SARM1: variants seen among roughly 807,000 people sequenced by gnomAD.
The protein encoded by SARM1 is NAD(+) hydrolase SARM1.
Under a neutral mutation model 65.1 loss-of-function variants are expected in SARM1, and 60 were observed. The observed-to-expected ratio is 0.92, with a 90% CI of 0.75 to 1.14. The LOEUF is 1.14. Ranked by LOEUF, SARM1 falls within the 50% of genes most tolerant of loss-of-function variation. The pLI, the probability that SARM1 is intolerant of heterozygous loss-of-function variation, is 0.00. For missense variants in SARM1, 913 were observed against 1,015.7 expected, an observed-to-expected ratio of 0.90 and a Z score of 1.37; for synonymous variants, 417 against 465.4, an observed-to-expected ratio of 0.90 and a Z score of 1.34.
In SARM1 at chr17:28,385,934, C is replaced by T. The variant is rs2068048395; in HGVS notation, c.1630+659C>T. 6.6e-6 allele frequency among the ~76,000 whole-genome samples: 1 copy of T among 152,128 alleles called. No individual in the cohort carries two copies. The highest frequency in any genetic ancestry group is 2.1e-4 in the South Asian group (1 of 4,824). ...CATCAGTCTCTATATTGATTCTATG[C>T]AATGAGTGTTCAGTTTTTAAAATCA... On this transcript the variant is annotated intron_variant, in intron 5 of 8. Transcript: ENST00000585482. The surrounding 1 kb of genome is among the most constrained non-coding windows in gnomAD (Gnocchi z 4.5).
At position 28,381,512 on chromosome 17, in the gene SARM1, C is replaced by G; in HGVS notation, c.780C>G (p.Ser260=). Reference sequence around the variant, plus strand: ...AGTGGCTCTTCCCGCTCGCCTTCTCCAAGGAGGACGAGCTGCTTCGGCTGC... The same window carrying G: ...AGTGGCTCTTCCCGCTCGCCTTCTCGAAGGAGGACGAGCTGCTTCGGCTGC... ...AAEWLFPLAF[S]KEDELLRLHA... The change falls in exon 2 of 9, where the codon TCC becomes TCG. Residue 260 remains serine, a synonymous_variant. Coordinates refer to ENST00000585482, the MANE Select transcript of SARM1 (RefSeq NM_015077.4). 1.3e-6 allele frequency: 2 copies of G among 1,566,374 alleles called. No homozygotes were observed. Among genetic ancestry groups the G allele is most frequent in the African/African-American group, 2.7e-5 (2 of 73,904 alleles).
intron 1 of SARM1, among the ~76,000 whole-genome samples, chr17:28,375,077 A>T (rs369572334): frequency 1.3e-5 from 2 of 151,818 alleles, no homozygotes; most frequent in South Asian, 4.2e-4. Context: ...CCCATTGTCA[A>T]GGAGCCTAGG....
intron 1 of SARM1, chr17:28,374,281 C>CAAAAAAAAAAAA (rs10607992): frequency 1.3e-5 from 1 of 78,988 alleles, no homozygotes; most frequent in Non-Finnish European, 2.5e-5. Context: ...AGACTCGTCT[C>CAAAAAAAAAAAA]AAAAAAAAAA....
intron 7 of SARM1, among the ~76,000 whole-genome samples, chr17:28,393,545 G>C (rs4795435): frequency 2.7e-5 from 4 of 150,770 alleles, no homozygotes; most frequent in Admixed American, 2.6e-4. Context: ...GTGAGATCCT[G>C]TTCCCCTGCC....
chr17:28,379,776 G>A (rs2068011408), intron 1 of SARM1, among the ~76,000 whole-genome samples: 1 of 152,218 alleles, frequency 6.6e-6, no homozygotes, highest in Admixed American at 6.5e-5. Flanking sequence ...ATGATTGGAA[G>A]GAAGTAACAT....
rs886052753 is a variant in SARM1 at position 28,399,652 on chromosome 17, C to A, written c.*3366C>A. On this transcript the variant is annotated 3_prime_UTR_variant, in exon 9 of 9. Coordinates refer to ENST00000585482, the MANE Select transcript of SARM1 (RefSeq NM_015077.4). ...CTTGCCCTCTGTCTTCTGGTCCAGG[C>A]AGATCAGGGGCTCTGGGGAAACTGC... is the stretch of plus-strand genomic sequence containing the variant. The A allele has an allele frequency of 6.2e-7, 1 of 1,613,982 alleles. No homozygotes were observed. The highest frequency in any genetic ancestry group is 1.6e-4 in the Middle Eastern group (1 of 6,062).
rs1555584233 is a variant in SARM1 at position 28,372,528 on chromosome 17, A to C, written c.470+26A>C. The stretch of plus-strand genomic sequence containing the variant: ...GTGAGCGCGCCAGGCCGGGGTTGGG[A>C]GAGCGCCGCGTGGTGTGGACAGTTA... On this transcript the variant is annotated intron_variant, in intron 1 of 8. Transcript: ENST00000585482. This position sits in a 1 kb window ranked among gnomAD's most constrained non-coding sequence, Gnocchi z 5.2. 1 of 1,499,270 alleles carries C rather than the reference A, an allele frequency of 6.7e-7. No homozygotes were observed. Among genetic ancestry groups the C allele is most frequent in the Admixed American group, 2.1e-5 (1 of 48,380 alleles). The allele number at this position is 1,499,270 out of a possible 1,614,324, so 92.9% of individuals were successfully genotyped here. A position where few individuals can be genotyped will look rare whatever the true frequency, so the allele number is the denominator to read the frequency against.
In SARM1 at chr17:28,400,727, G is replaced by A. The variant is rs374232525; in HGVS notation, c.*4441G>A. Reference sequence around the variant, plus strand: ...GAAGATGCCGGAGGCCGTCAGCATGGCCAGGCTATTCACACAGGCCACAGC... The same window carrying A: ...GAAGATGCCGGAGGCCGTCAGCATGACCAGGCTATTCACACAGGCCACAGC... On this transcript the variant is annotated 3_prime_UTR_variant, in exon 9 of 9. Transcript: ENST00000585482. 21 of 1,598,978 alleles carry A rather than the reference G, an allele frequency of 1.3e-5. No homozygotes were observed. In the African/African-American group the frequency reaches 2.7e-4, roughly 20 times the overall value.
In SARM1 at chr17:28,396,355, G is replaced by A; in HGVS notation, c.*69G>A. ...CGTCCTTTCTGAAGGAACAGCTCCT[G>A]AAACCAGTCTCCCTGGGCTGAGACA... On this transcript the variant is annotated 3_prime_UTR_variant, in exon 9 of 9. Transcript: ENST00000585482. 6.3e-7 allele frequency: 1 copy of A among 1,589,622 alleles called. No homozygotes were observed. The highest frequency in any genetic ancestry group is 8.6e-7 in the Non-Finnish European group (1 of 1,162,574).
Position 28,399,582 on chromosome 17 carries a change from C to A in SARM1, c.*3296C>A. Reference sequence around the variant, plus strand: ...GTTGCTTGTCCTGCTGTGGGCTGGGCTTCCAGCTGCAGACCTCCAGTTGCT... The same window carrying A: ...GTTGCTTGTCCTGCTGTGGGCTGGGATTCCAGCTGCAGACCTCCAGTTGCT... On this transcript the variant is annotated 3_prime_UTR_variant, in exon 9 of 9. Transcript: ENST00000585482. 1 of 1,509,606 alleles carries A rather than the reference C, an allele frequency of 6.6e-7. No homozygotes were observed. The highest frequency in any genetic ancestry group is 9.2e-7 in the Non-Finnish European group (1 of 1,087,874). The allele number at this position is 1,509,606 out of a possible 1,614,324, so 93.5% of individuals were successfully genotyped here. A position where few individuals can be genotyped will look rare whatever the true frequency, so the allele number is the denominator to read the frequency against.
chr17:28,395,817 G>A (rs1350781942), intron 7 of SARM1, 88 bp from the exon 8 acceptor site: 35 of 1,518,548 alleles, frequency 2.3e-5, no homozygotes, highest in African/African-American at 1.8e-4. Context: ...GCCCAGCCTC[G>A]GGCCAGTGGG....
intron 1 of SARM1, among the ~76,000 whole-genome samples, chr17:28,380,072 C>CTCTCTTTCTTTTTTTTTTTTTTTTTTTTT (rs2068013602): frequency 2.1e-5 from 1 of 48,694 alleles, no homozygotes; most frequent in East Asian, 7.1e-4. Context: ...TTTTTTTTTT[C>CTCTCTTTCTTTTTTTTTTTTTTTTTTTTT]TGTCTCTCTC....
intron 2 of SARM1, among the ~76,000 whole-genome samples, chr17:28,382,159 G>T (rs558509268): frequency 9.5e-4 from 144 of 152,212 alleles, no homozygotes; most frequent in African/African-American, 3.3e-3. Flanking sequence ...GTGGGCGTTG[G>T]GGGAAGGGGG....
At chr17:28,386,625 C>A (rs1194701751) in intron 5 of SARM1, 1 of 152,178 alleles carries the variant, frequency 6.6e-6, no homozygotes, top group African/African-American at 2.4e-5. Context: ...AGACTAAGCA[C>A]CCACAAGACA....
In SARM1 at chr17:28,385,021, TCTC is replaced by T. The variant is rs2068043188; in HGVS notation, c.1395-14_1395-12del. 2 of 1,611,436 alleles carry T rather than the reference TCTC, an allele frequency of 1.2e-6. No individual in the cohort carries two copies. The highest frequency in any genetic ancestry group is 1.7e-6 in the Non-Finnish European group (2 of 1,178,124). The stretch of plus-strand genomic sequence containing the variant: ...CGTCCGAGTCTGGACCTCAGCGTCT[TCTC>T]CTCCGTGGGGTGCAGGTTCTTTAGG... On this transcript the variant is annotated splice_polypyrimidine_tract_variant and intron_variant, in intron 4 of 8. Transcript: ENST00000585482. The surrounding 1 kb of genome is among the most constrained non-coding windows in gnomAD (Gnocchi z 4.5).
At chr17:28,375,210 C>A (rs534328470) in intron 1 of SARM1, among the ~76,000 whole-genome samples, 19 of 152,304 alleles carry the variant, frequency 1.2e-4, no homozygotes, top group Admixed American at 5.2e-4. Context: ...CAGTCCACCC[C>A]CTTCAGGGGA....
Position 28,384,657 on chromosome 17 carries a change from C to A in SARM1, c.1302+88C>A, listed in dbSNP as rs1167611804. 2.2e-6 allele frequency: 3 copies of A among 1,383,168 alleles called. No individual in the cohort carries two copies. The highest frequency in any genetic ancestry group is 5.0e-5 in the East Asian group (2 of 39,846). 85.7% of individuals were successfully genotyped at this position (1,383,168 alleles called of 1,614,324 possible). ...GTTCCCTCCCCGCCTCGCAATCCCG[C>A]GGCGCCAGGGTCGCTTTTGGGGGCG... On this transcript the variant is annotated intron_variant, in intron 3 of 8. Transcript: ENST00000585482. The surrounding 1 kb of genome is among the most constrained non-coding windows in gnomAD (Gnocchi z 4.4).
intron 1 of SARM1, among the ~76,000 whole-genome samples, chr17:28,380,253 A>G (rs567355399): frequency 1.3e-5 from 2 of 151,960 alleles, no homozygotes; most frequent in South Asian, 4.1e-4. Flanking sequence ...GGTTTTAGAC[A>G]TCGCAATACC....
At chr17:28,387,238 T>C (rs192176735) in intron 5 of SARM1, among the ~76,000 whole-genome samples, 2,267 of 145,126 alleles carry the variant, frequency 0.016, 16 homozygotes, top group Non-Finnish European at 0.025. Context: ...TTTCTTTTCT[T>C]TTTTTTTTTT....
Sources: gnomAD v4.1 joint callset for allele counts (sites outside exome capture counted in the v4.1 genomes callset) on GRCh38, gnomAD v4.1.1 for gene constraint, Gnocchi (gnomAD v3.1) non-coding constraint, MANE v1.5 for transcripts, NCBI Gene and HGNC (gene_info 2026-07-23, HGNC 2026-07-21) for gene names.